PACS2: variants seen among roughly 807,000 people sequenced by gnomAD.
The protein encoded by PACS2 is PACS1-like protein.
In PACS2, 36 loss-of-function variants were observed where a neutral mutation model predicts 113.0. That is an observed-to-expected ratio of 0.32 (90% CI 0.24 to 0.42). The LOEUF (loss-of-function observed/expected upper bound fraction) is 0.42, where lower values mean the gene tolerates loss of function less well. Ranked by LOEUF, PACS2 falls within the 10% of genes least tolerant of loss-of-function variation. PACS2 has a pLI of 1.00. For missense variants in PACS2, 1,015 were observed against 1,239.5 expected (o/e 0.82, Z 2.72); for synonymous variants, 589 against 536.1 (o/e 1.10, Z -1.36).
chr14:105,385,059 C>T (rs1175503682), intron 18 of PACS2, 72 bp downstream of exon 18: 11 of 969,930 alleles, frequency 1.1e-5, no homozygotes, highest in South Asian at 2.8e-5. Flanking sequence ...CCTCCCCACC[C>T]GCTGCTGGGC....
chr14:105,370,217 G>A (rs1207101381), intron 8 of PACS2: 1 of 230,904 alleles, frequency 4.3e-6, no homozygotes, highest in African/African-American at 2.3e-5. Context: ...AGCAGTTTTA[G>A]GTTTACAGCA....
At chr14:105,332,111 C>A (rs922999773) in intron 1 of PACS2, among the ~76,000 whole-genome samples, 1 of 152,242 alleles carries the variant, frequency 6.6e-6, no homozygotes, top group Non-Finnish European at 1.5e-5. Context: ...TTGGGACTTA[C>A]TGAATATGAG....
At chr14:105,372,134 A>G (rs1429388176) in intron 8 of PACS2, 1 of 152,308 alleles carries the variant, frequency 6.6e-6, no homozygotes, top group East Asian at 1.9e-4. Context: ...CCCTGTGCCC[A>G]GGTGCCACAC....
In PACS2 at chr14:105,352,427, G is replaced by A. The variant is rs782278862; in HGVS notation, c.257G>A (p.Gly86Glu). ...CATGAGATTGTGCTGCCCCCCAGTG[G>A]ACAAGTGGAGACAGACCTGGCCCTG... ...RSHEIVLPPS[G>E]QVETDLALTF... Residue 86 changes from glycine to glutamate, a missense_variant, in exon 3 of 25, where the codon GGA (glycine) becomes GAA (glutamate). This residue lies in a region of PACS2 where 140 missense variants were observed against 135.1 expected (regional missense o/e 1.04). Coordinates refer to ENST00000447393, the MANE Select transcript of PACS2 (RefSeq NM_001100913.3). 27 of 1,612,566 alleles carry A rather than the reference G, an allele frequency of 1.7e-5. No homozygotes were observed. Among genetic ancestry groups the A allele is most frequent in the Non-Finnish European group, 2.3e-5 (27 of 1,178,892 alleles).
chr14:105,338,113 G>T (rs373889875), intron 1 of PACS2, among the ~76,000 whole-genome samples: 3 of 152,230 alleles, frequency 2.0e-5, no homozygotes, highest in African/African-American at 7.2e-5. Flanking sequence ...GGGGCCTGGC[G>T]CTGGCCCGGT....
At position 105,366,479 on chromosome 14, in the gene PACS2, C is replaced by G. The variant is rs1375572416; in HGVS notation, c.424-734C>G. 1.3e-5 allele frequency among the ~76,000 whole-genome samples: 2 copies of G among 152,196 alleles called. No homozygotes were observed. Among genetic ancestry groups the G allele is most frequent in the African/African-American group, 4.8e-5 (2 of 41,458 alleles). On this transcript the variant is annotated intron_variant, in intron 4 of 24. Coordinates refer to ENST00000447393, the MANE Select transcript of PACS2 (RefSeq NM_001100913.3). This position sits in a 1 kb window ranked among gnomAD's most constrained non-coding sequence, Gnocchi z 4.3. ...GAGTGTCTGAGAGTTGTCGTCATGGCGTGTGGTTCTGAGGCTGGCGTGGGG... is the reference window on the plus strand; with the variant it reads ...GAGTGTCTGAGAGTTGTCGTCATGGGGTGTGGTTCTGAGGCTGGCGTGGGG...
intron 16 of PACS2, chr14:105,384,123 G>A: frequency 3.8e-6 from 2 of 528,654 alleles, no homozygotes; most frequent in Non-Finnish European, 3.4e-6. Context: ...TTCCTCAGTG[G>A]CACTCAGGGC....
At chr14:105,343,607 C>T (rs1555402007) in intron 1 of PACS2, among the ~76,000 whole-genome samples, 1 of 152,008 alleles carries the variant, frequency 6.6e-6, no homozygotes, top group Non-Finnish European at 1.5e-5. Flanking sequence ...TTGCATTTCC[C>T]TAATAACTAA....
chr14:105,342,685 G>A (rs1269357362), intron 1 of PACS2, among the ~76,000 whole-genome samples: 1 of 151,796 alleles, frequency 6.6e-6, no homozygotes, highest in Non-Finnish European at 1.5e-5. Flanking sequence ...TGTAATCCTA[G>A]CACTTCAGGA....
chr14:105,351,324 A>G (rs1279070797), intron 2 of PACS2, among the ~76,000 whole-genome samples: 1 of 152,242 alleles, frequency 6.6e-6, no homozygotes, highest in African/African-American at 2.4e-5. Flanking sequence ...TCTTTCACGC[A>G]AATGACTCGT....
At chr14:105,316,420 G>T (rs1190693390) in intron 1 of PACS2, among the ~76,000 whole-genome samples, 1 of 152,230 alleles carries the variant, frequency 6.6e-6, no homozygotes, top group Non-Finnish European at 1.5e-5. Flanking sequence ...CAGCCCCACA[G>T]CCCTTCTCCT....
chr14:105,368,485 G>A lies in PACS2; in HGVS notation c.687G>A (p.Val229=), dbSNP rs1257527304. 4 of 1,613,900 alleles carry A rather than the reference G, an allele frequency of 2.5e-6. No individual in the cohort carries two copies. The African/African-American group carries it at 4.0e-5, about 16-fold the overall frequency. The change falls in exon 7 of 25, where the codon GTG becomes GTA. Residue 229 remains valine, a synonymous_variant. Transcript: ENST00000447393. The part of the protein sequence containing the change: ...GQDLDEDDFD[V]GKPKKQRRSI... The stretch of plus-strand genomic sequence containing the variant: ...ACTTGGACGAGGACGACTTTGACGT[G>A]GGGAAGCCGAAGAAGCAGCGGAGAT...
chr14:105,352,103 C>T (rs986722283), intron 2 of PACS2, among the ~76,000 whole-genome samples: 4 of 152,198 alleles, frequency 2.6e-5, no homozygotes, highest in East Asian at 1.9e-4. Flanking sequence ...TTTGTGATCG[C>T]GTTAACTTCA....
intron 7 of PACS2, among the ~76,000 whole-genome samples, 158 bp from the exon 8 acceptor site, chr14:105,369,683 C>G (rs1198115033): frequency 6.6e-6 from 1 of 152,252 alleles, no homozygotes; most frequent in Non-Finnish European, 1.5e-5. Context: ...GTTGGGAAGC[C>G]TCTGGGAGCC....
Position 105,356,721 on chromosome 14 carries a change from G to T in PACS2, c.423+1544G>T, listed in dbSNP as rs2060463318. 6.7e-6 allele frequency among the ~76,000 whole-genome samples: 1 copy of T among 149,846 alleles called. No individual in the cohort carries two copies. Among genetic ancestry groups the T allele is most frequent in the South Asian group, 2.1e-4 (1 of 4,652 alleles). ...TGTGTTTCCCATTAGCCATGCAGGC[G>T]AGGTCCTGCTGATCCCTGCCGGTCC... is the stretch of plus-strand genomic sequence containing the variant. On this transcript the variant is annotated intron_variant, in intron 4 of 24. Transcript: ENST00000447393. This position sits in a 1 kb window ranked among gnomAD's most constrained non-coding sequence, Gnocchi z 4.0.
At chr14:105,393,591 TG>T (rs1313192275) in intron 24 of PACS2, 17 of 419,130 alleles carry the variant, frequency 4.1e-5, no homozygotes, top group African/African-American at 2.9e-4. Context: ...TTTTTTGTTT[TG>T]GTTTTTTTTT....
At position 105,391,458 on chromosome 14, in the gene PACS2, C is replaced by T. The variant is rs587633316; in HGVS notation, c.2120-173C>T. 7.5e-5 allele frequency: 52 copies of T among 693,416 alleles called. 1 individual carries two copies. The Admixed American group carries it at 8.5e-4, about 11-fold the overall frequency. 43.0% of individuals were successfully genotyped at this position (693,416 alleles called of 1,614,324 possible). ...ACATCAAGGCTGGCAGGGTTGTCTT[C>T]CAAAAACCGAGGAGAATCCGAGACC... On this transcript the variant is annotated intron_variant, in intron 21 of 24. Transcript: ENST00000447393.
intron 1 of PACS2, among the ~76,000 whole-genome samples, chr14:105,316,143 C>G (rs1335060513): frequency 6.6e-6 from 1 of 152,180 alleles, no homozygotes; most frequent in Non-Finnish European, 1.5e-5. Flanking sequence ...GTTGGGACCT[C>G]GGGGCTTTGG....
intron 1 of PACS2, among the ~76,000 whole-genome samples, chr14:105,347,819 C>T (rs1164250215): frequency 1.3e-5 from 2 of 152,120 alleles, no homozygotes; most frequent in Non-Finnish European, 2.9e-5. Flanking sequence ...AGCCCTGGCG[C>T]GTGTACGGCA....
Sources: allele counts gnomAD v4.1 joint callset (sites outside exome capture counted in the v4.1 genomes callset), GRCh38; gene constraint gnomAD v4.1.1; regional missense constraint gnomAD v4.1.1; non-coding constraint Gnocchi (gnomAD v3.1); transcripts MANE v1.5; gene names NCBI Gene and HGNC (gene_info 2026-07-23, HGNC 2026-07-21).